Variants in CC2D2B observed in about 807,000 individuals in gnomAD.
CC2D2B encodes coiled-coil and C2 domain containing 2B, also known as protein CC2D2B.
CC2D2B carries 128 observed loss-of-function variants against 161.2 expected under a neutral mutation model. The ratio of observed to expected loss-of-function variants is 0.79; its 90% CI spans 0.69 to 0.92. CC2D2B has a LOEUF of 0.92. Among genes scored for constraint, CC2D2B ranks in the 40% least tolerant of loss-of-function variants. CC2D2B has a pLI of 0.00. For synonymous variants in CC2D2B, 391 were observed against 449.8 expected, an observed-to-expected ratio of 0.87 and a Z score of 1.65; for missense variants, 1,173 against 1,375.1, an observed-to-expected ratio of 0.85 and a Z score of 2.32.
chr10:95,942,236 G>A (rs571240883), intron 9 of CC2D2B, among the ~76,000 whole-genome samples: 115 of 152,184 alleles, frequency 7.6e-4, no homozygotes, highest in African/African-American at 2.5e-3. Context: ...AAAGCCCTAG[G>A]GATCTATGGT....
rs1199596401 is a variant in CC2D2B at position 96,024,976 on chromosome 10, A to G, written c.3947+65A>G. On this transcript the variant is annotated intron_variant, in intron 33 of 34. Transcript: ENST00000646931. Reference sequence around the variant, plus strand: ...CAGTCTTCTGACCCATCCATTCAAAATACCTGCTAGATCAGCAACAGAAAC... The same window carrying G: ...CAGTCTTCTGACCCATCCATTCAAAGTACCTGCTAGATCAGCAACAGAAAC... 7 of 884,480 alleles carry G rather than the reference A, an allele frequency of 7.9e-6. No individual in the cohort carries two copies. In the African/African-American group the frequency reaches 1.2e-4, roughly 15 times the overall value. 54.8% of individuals were successfully genotyped at this position (884,480 alleles called of 1,614,324 possible). A position where few individuals can be genotyped will look rare whatever the true frequency, so the allele number is the denominator to read the frequency against.
At chr10:95,937,186 C>G (rs929486162) in intron 6 of CC2D2B, among the ~76,000 whole-genome samples, 2 of 152,096 alleles carry the variant, frequency 1.3e-5, no homozygotes, top group Admixed American at 1.3e-4. Flanking sequence ...TAGGGATTAT[C>G]TGGTCAAAGG....
intron 3 of CC2D2B, among the ~76,000 whole-genome samples, chr10:95,922,751 G>A (rs536476122): frequency 2.4e-4 from 36 of 152,156 alleles, no homozygotes; most frequent in African/African-American, 4.8e-4. Flanking sequence ...TCCAGCAACC[G>A]AGCAGAAAAT....
At chr10:96,021,997 A>G (rs888673746) in intron 32 of CC2D2B, among the ~76,000 whole-genome samples, 4 of 152,174 alleles carry the variant, frequency 2.6e-5, no homozygotes, top group Non-Finnish European at 5.9e-5. Context: ...TGGGGGAAGA[A>G]ATCAAAGAGG....
chr10:95,972,562 C>G (rs956989290), intron 16 of CC2D2B, among the ~76,000 whole-genome samples: 3 of 152,210 alleles, frequency 2.0e-5, no homozygotes, highest in African/African-American at 7.2e-5. Flanking sequence ...GATCCGCCCC[C>G]CTCAGCCTCC....
chr10:95,953,400 G>T (rs1359792421), intron 10 of CC2D2B, among the ~76,000 whole-genome samples: 2 of 152,020 alleles, frequency 1.3e-5, no homozygotes, highest in East Asian at 3.9e-4. Flanking sequence ...ACAAGGTCTT[G>T]CTGTATTGCC....
chr10:95,958,056 CA>C (rs566532492), intron 11 of CC2D2B, among the ~76,000 whole-genome samples: 5,425 of 137,408 alleles, frequency 0.039, 141 homozygotes, highest in South Asian at 0.086. Flanking sequence ...GAAACTATGC[CA>C]AAAAAAAAAA....
intron 30 of CC2D2B, 188 bp from the exon 31 acceptor site, chr10:96,019,015 C>T: frequency 2.0e-6 from 1 of 491,892 alleles, no homozygotes; most frequent in Non-Finnish European, 3.5e-6. Context: ...TTATGTTGCC[C>T]AGGCTGGTCT....
At chr10:96,019,434 T>C in intron 31 of CC2D2B, 97 bp downstream of exon 31, 1 of 1,219,796 alleles carries the variant, frequency 8.2e-7, no homozygotes. Flanking sequence ...ATAGATAGTC[T>C]ATCAGATTCC....
At chr10:95,928,783 A>AT (rs74437316) in intron 6 of CC2D2B, among the ~76,000 whole-genome samples, 1 of 151,754 alleles carries the variant, frequency 6.6e-6, no homozygotes, top group Non-Finnish European at 1.5e-5. Flanking sequence ...TGTGTGCCAC[A>AT]TTTTTTTTAT....
chr10:96,031,173 A>T (rs748856474), intron 34 of CC2D2B, among the ~76,000 whole-genome samples: 64 of 152,268 alleles, frequency 4.2e-4, no homozygotes, highest in Non-Finnish European at 6.2e-4. Flanking sequence ...ACATCTGCAG[A>T]GATTATGGGT....
At chr10:95,944,670 A>G (rs1285962779) in intron 9 of CC2D2B, among the ~76,000 whole-genome samples, 1 of 152,242 alleles carries the variant, frequency 6.6e-6, no homozygotes, top group Non-Finnish European at 1.5e-5. Flanking sequence ...TATTGAAGAA[A>G]TATTAACCAC....
chr10:95,930,823 C>T (rs2098548730), intron 6 of CC2D2B, among the ~76,000 whole-genome samples: 4 of 152,156 alleles, frequency 2.6e-5, no homozygotes, highest in Non-Finnish European at 1.5e-5. Flanking sequence ...CGATGTTCAT[C>T]AGAAATATTG....
At chr10:95,952,251 G>A (rs557648854) in intron 10 of CC2D2B, 36 of 152,236 alleles carry the variant, frequency 2.4e-4, no homozygotes, top group African/African-American at 8.7e-4. Context: ...GAACAAAGAG[G>A]GATGTTGCTG....
chr10:95,928,933 G>A (rs1049764404), intron 6 of CC2D2B, among the ~76,000 whole-genome samples: 5 of 152,124 alleles, frequency 3.3e-5, no homozygotes, highest in African/African-American at 1.2e-4. Flanking sequence ...TAATGAGATT[G>A]CTTGGTCAAA....
In CC2D2B at chr10:95,973,663, A is replaced by G. The variant is rs189315883; in HGVS notation, c.1796-346A>G. ...CACCTCAGGTCAGGAGTTCGAGACC[A>G]GCCTGGCCAACATGGTAAAACCCCA... On this transcript the variant is annotated intron_variant, in intron 16 of 34. Transcript: ENST00000646931. 3.1e-3 allele frequency among the ~76,000 whole-genome samples: 479 copies of G among 152,212 alleles called. 1 individual carries two copies. The highest frequency in any genetic ancestry group is 0.022 in the South Asian group (106 of 4,816).
intron 3 of CC2D2B, 40 bp from the exon 4 acceptor site, chr10:95,924,273 TA>T: frequency 9.6e-7 from 1 of 1,040,772 alleles, no homozygotes; most frequent in Non-Finnish European, 1.4e-6. Context: ...TTAATTATAA[TA>T]AAGTGTCATA....
intron 6 of CC2D2B, among the ~76,000 whole-genome samples, chr10:95,932,876 A>C: frequency 6.6e-6 from 1 of 151,998 alleles, no homozygotes; most frequent in East Asian, 1.9e-4. Context: ...GCTCTTCTCG[A>C]GGAGTATCTT....
chr10:95,911,533 G>C (rs1336145961), intron 2 of CC2D2B, among the ~76,000 whole-genome samples, 174 bp downstream of exon 2: 2 of 152,068 alleles, frequency 1.3e-5, no homozygotes, highest in Non-Finnish European at 2.9e-5. Flanking sequence ...TATTTGGTCT[G>C]TAAGTTATTT....
Sources: gnomAD v4.1 joint callset for allele counts (sites outside exome capture counted in the v4.1 genomes callset) on GRCh38, gnomAD v4.1.1 for gene constraint, MANE v1.5 for transcripts, NCBI Gene and HGNC (gene_info 2026-07-23, HGNC 2026-07-21) for gene names.